Variants in VPS8 observed in about 807,000 individuals in gnomAD.
The protein encoded by VPS8 is VPS8 subunit of CORVET complex, also known as vacuolar protein sorting-associated protein 8 homolog.
VPS8 carries 129 observed loss-of-function variants against 216.4 expected under a neutral mutation model. That is an observed-to-expected ratio of 0.60 (90% CI 0.52 to 0.69). The LOEUF (loss-of-function observed/expected upper bound fraction) is 0.69, where lower values mean the gene tolerates loss of function less well. Ranked by LOEUF, VPS8 falls within the 30% of genes least tolerant of loss-of-function variation. The pLI is 0.00. For missense variants in VPS8, 1,531 were observed against 1,683.5 expected, an observed-to-expected ratio of 0.91 and a Z score of 1.59; for synonymous variants, 571 against 565.4, an observed-to-expected ratio of 1.01 and a Z score of -0.14.
intron 34 of VPS8, among the ~76,000 whole-genome samples, chr3:184,935,021 T>C (rs578109763): frequency 2.0e-5 from 3 of 152,286 alleles, no homozygotes; most frequent in African/African-American, 7.2e-5. Context: ...CACTCAGTTA[T>C]TTTAATGGTT....
At chr3:184,961,458 T>A (rs1746492259) in intron 37 of VPS8, among the ~76,000 whole-genome samples, 1 of 152,212 alleles carries the variant, frequency 6.6e-6, no homozygotes. Context: ...AACCAAATTT[T>A]ATAGTTAACA....
chr3:185,051,753 C>A, intron 47 of VPS8, 123 bp from the exon 48 acceptor site: 1 of 1,211,868 alleles, frequency 8.3e-7, no homozygotes, highest in Non-Finnish European at 1.1e-6. Flanking sequence ...AAGATTCAAA[C>A]CCTGCATGTT....
chr3:184,896,929 A>G (rs1467553896), intron 23 of VPS8, among the ~76,000 whole-genome samples: 2 of 152,206 alleles, frequency 1.3e-5, no homozygotes, highest in Admixed American at 6.5e-5. Flanking sequence ...AATGACAAGA[A>G]GGAATCAGTA....
intron 46 of VPS8, among the ~76,000 whole-genome samples, chr3:185,045,691 TG>T: frequency 6.7e-6 from 1 of 149,576 alleles, no homozygotes; most frequent in Non-Finnish European, 1.5e-5. Flanking sequence ...TGCTTGAACC[TG>T]GGACGCTGAG....
At chr3:184,851,671 G>A (rs1724299476) in intron 10 of VPS8, among the ~76,000 whole-genome samples, 1 of 152,168 alleles carries the variant, frequency 6.6e-6, no homozygotes, top group Non-Finnish European at 1.5e-5. Context: ...TAAGAGCAAA[G>A]TTGTGGGGCT....
intron 45 of VPS8, among the ~76,000 whole-genome samples, chr3:185,015,115 G>C (rs923976652): frequency 6.6e-6 from 1 of 152,204 alleles, no homozygotes; most frequent in Non-Finnish European, 1.5e-5. Context: ...GGCAAGTTGG[G>C]CATCGCTGGA....
chr3:184,884,301 CTA>C (rs1730811483), intron 21 of VPS8, among the ~76,000 whole-genome samples: 1 of 152,080 alleles, frequency 6.6e-6, no homozygotes, highest in Non-Finnish European at 1.5e-5. Context: ...CAGTTCCCAC[CTA>C]TGAGTGAGAA....
intron 16 of VPS8, 116 bp downstream of exon 16, chr3:184,863,183 GTTTC>G (rs1726693972): frequency 8.0e-7 from 1 of 1,253,998 alleles, no homozygotes; most frequent in African/African-American, 1.5e-5. Context: ...GTCTTGAGGT[GTTTC>G]TTTACAAGCC....
chr3:185,010,720 G>T (rs1210497490), intron 45 of VPS8, among the ~76,000 whole-genome samples: 2 of 151,966 alleles, frequency 1.3e-5, no homozygotes, highest in Non-Finnish European at 2.9e-5. Flanking sequence ...ACAGAAACAG[G>T]GCTTGGTACA....
At chr3:185,042,523 T>A (rs1328156445) in intron 46 of VPS8, among the ~76,000 whole-genome samples, 5 of 152,184 alleles carry the variant, frequency 3.3e-5, no homozygotes, top group African/African-American at 9.7e-5. Context: ...AGTGTCCCCG[T>A]TTGTAATGGT....
chr3:185,017,474 C>T (rs1755966217), intron 45 of VPS8, among the ~76,000 whole-genome samples: 1 of 152,140 alleles, frequency 6.6e-6, no homozygotes, highest in African/African-American at 2.4e-5. Flanking sequence ...TCCCCATTTC[C>T]ACATACGGCA....
rs747246036 is a variant in VPS8, at chr3:184,854,182, G to A, written c.1035+9G>A. The A allele has an allele frequency of 8.7e-6, 14 of 1,613,338 alleles. No individual in the cohort carries two copies. Among genetic ancestry groups the A allele is most frequent in the South Asian group, 6.6e-5 (6 of 91,044 alleles). On this transcript the variant is annotated intron_variant, in intron 13 of 47. Coordinates refer to ENST00000625842, the MANE Select transcript of VPS8 (RefSeq NM_001009921.3). ...CTTTTCCCTATGGCCGGGTGAGTAC[G>A]TCCCTCCATCTTATTTGCCAAAGGA...
At chr3:185,041,812 C>T (rs771213643) in intron 46 of VPS8, among the ~76,000 whole-genome samples, 3 of 152,170 alleles carry the variant, frequency 2.0e-5, no homozygotes, top group Admixed American at 6.5e-5. Flanking sequence ...CACTGCAGAG[C>T]GTAGCCTTCT....
chr3:184,850,169 A>T (rs1723984318), intron 10 of VPS8, 147 bp downstream of exon 10: 2 of 648,062 alleles, frequency 3.1e-6, no homozygotes, highest in Non-Finnish European at 5.1e-6. Flanking sequence ...AATCCTCAAC[A>T]TTGAGCTGTC....
At chr3:185,028,120 G>T (rs914161138) in intron 46 of VPS8, among the ~76,000 whole-genome samples, 1 of 152,088 alleles carries the variant, frequency 6.6e-6, no homozygotes, top group Non-Finnish European at 1.5e-5. Flanking sequence ...TGCGGAGTTC[G>T]TGTTAGCTGG....
chr3:185,005,231 A>G (rs576604626), intron 45 of VPS8, among the ~76,000 whole-genome samples: 20 of 152,326 alleles, frequency 1.3e-4, no homozygotes, highest in African/African-American at 4.6e-4. Context: ...CCATTGGTCT[A>G]CATTCCTATT....
At chr3:185,049,084 C>T (rs568227321) in intron 47 of VPS8, among the ~76,000 whole-genome samples, 2 of 152,296 alleles carry the variant, frequency 1.3e-5, no homozygotes, top group Admixed American at 6.5e-5. Context: ...GACTTAAACT[C>T]GTATGGTTCA....
At chr3:184,899,231 T>C (rs899083783) in intron 24 of VPS8, among the ~76,000 whole-genome samples, 2 of 152,206 alleles carry the variant, frequency 1.3e-5, no homozygotes, top group African/African-American at 4.8e-5. Context: ...TCTGTTTTCT[T>C]ATTTGTTTTC....
At chr3:184,921,169 A>G (rs2109137283) in intron 29 of VPS8, among the ~76,000 whole-genome samples, 1 of 152,282 alleles carries the variant, frequency 6.6e-6, no homozygotes, top group Non-Finnish European at 1.5e-5. Flanking sequence ...TTTGGAATTG[A>G]GTTCTGCTGT....
Sources: gnomAD v4.1 joint callset for allele counts (sites outside exome capture counted in the v4.1 genomes callset) on GRCh38, gnomAD v4.1.1 for gene constraint, MANE v1.5 for transcripts, NCBI Gene and HGNC (gene_info 2026-07-23, HGNC 2026-07-21) for gene names.